The following SMU1 variants were observed in gnomAD, a reference collection of about 807,000 sequenced individuals.
SMU1 encodes SMU1 DNA replication regulator and spliceosomal factor.
Under a neutral mutation model 62.0 loss-of-function variants are expected in SMU1, and 2 were observed. The ratio of observed to expected loss-of-function variants is 0.03; its 90% CI spans 0.01 to 0.10. SMU1 has a LOEUF of 0.10. Ranked by LOEUF, SMU1 falls within the 10% of genes least tolerant of loss-of-function variation. The pLI is 1.00. For synonymous variants in SMU1, 188 were observed against 212.4 expected (o/e 0.89, Z 1.00); for missense variants, 227 against 622.1 (o/e 0.36, Z 6.76).
intron 6 of SMU1, among the ~76,000 whole-genome samples, chr9:33,058,957 C>G (rs1018664050): frequency 6.6e-6 from 1 of 151,772 alleles, no homozygotes; most frequent in Non-Finnish European, 1.5e-5. Context: ...GAAAAATGGG[C>G]AAAAGATATT....
At chr9:33,057,463 A>C (rs1310871557) in intron 7 of SMU1, 135 bp downstream of exon 7, 1 of 1,107,796 alleles carries the variant, frequency 9.0e-7, no homozygotes, top group Non-Finnish European at 1.3e-6. Context: ...CATAAGAAAA[A>C]GTAAAGTGAT....
At chr9:33,068,142 G>A (rs1353946216) in intron 4 of SMU1, among the ~76,000 whole-genome samples, 1 of 152,130 alleles carries the variant, frequency 6.6e-6, no homozygotes, top group Non-Finnish European at 1.5e-5. Flanking sequence ...TAAGTAATTT[G>A]CCAAGACTAT....
rs972156102 is a variant in SMU1, at chr9:33,047,165, A to C, written c.*128T>G. 1.7e-6 allele frequency: 1 copy of C among 603,098 alleles called. No individual in the cohort carries two copies. The allele number at this position is 603,098 out of a possible 1,614,324, so 37.4% of individuals were successfully genotyped here. A position where few individuals can be genotyped will look rare whatever the true frequency, so the allele number is the denominator to read the frequency against. On this transcript the variant is annotated 3_prime_UTR_variant, in exon 12 of 12. Coordinates refer to ENST00000397149, the MANE Select transcript of SMU1 (RefSeq NM_018225.3). ...CTACTTAAACATGAATTTTCACAAA[A>C]TTATTCTGTGACTAATTCAGACAAT...
Position 33,068,937 on chromosome 9 carries a change from G to A in SMU1, c.391-3C>T, listed in dbSNP as rs1839456216. On this transcript the variant is annotated splice_polypyrimidine_tract_variant and splice_region_variant and intron_variant, in intron 3 of 11. Transcript: ENST00000397149. ...TTGCTACTTCCATCTGGGTATGCCTGAAAAAGGAGAGGGTGTAGCATCATT... is the reference window on the plus strand; with the variant it reads ...TTGCTACTTCCATCTGGGTATGCCTAAAAAAGGAGAGGGTGTAGCATCATT... The A allele has an allele frequency of 6.2e-7, 1 of 1,613,096 alleles. No individual in the cohort carries two copies. Among genetic ancestry groups the A allele is most frequent in the Admixed American group, 1.7e-5 (1 of 59,714 alleles).
chr9:33,064,646 T>C (rs752028453), intron 4 of SMU1, among the ~76,000 whole-genome samples: 5 of 152,186 alleles, frequency 3.3e-5, no homozygotes, highest in Non-Finnish European at 7.3e-5. Context: ...ACCAAAATGA[T>C]GCAAATTATA....
chr9:33,059,885 T>A (rs990874195), intron 6 of SMU1, among the ~76,000 whole-genome samples: 1 of 151,778 alleles, frequency 6.6e-6, no homozygotes, highest in Non-Finnish European at 1.5e-5. Flanking sequence ...GTGCTGGGAT[T>A]ACAGGCCTGA....
intron 5 of SMU1, 127 bp from the exon 6 acceptor site, chr9:33,060,711 G>A (rs1238383141): frequency 1.7e-6 from 2 of 1,189,368 alleles, no homozygotes; most frequent in African/African-American, 1.6e-5. Context: ...ATAGAGTATT[G>A]GAGGGGTATT....
At chr9:33,057,374 A>G (rs1021161418) in intron 7 of SMU1, among the ~76,000 whole-genome samples, 2 of 152,240 alleles carry the variant, frequency 1.3e-5, no homozygotes, top group African/African-American at 2.4e-5. Flanking sequence ...GATATGAACT[A>G]AAGTCCCAGA....
rs767354946 is a variant in SMU1 at position 33,048,193 on chromosome 9, G to A, written c.1356C>T (p.Pro452=). 3.1e-6 allele frequency: 5 copies of A among 1,614,118 alleles called. No homozygotes were observed. Among genetic ancestry groups the A allele is most frequent in the Non-Finnish European group, 1.7e-6 (2 of 1,180,026 alleles). ...CTACACAGTAGATCCATTCACCACG[G>A]GGAGAGAGGGCACAGCAAACAAAGT... The part of the protein sequence containing the change: ...GGDFVCCALS[P]RGEWIYCVGE... The change falls in exon 11 of 12, where the codon CCC becomes CCT. Residue 452 remains proline, a synonymous_variant. Transcript: ENST00000397149.
At position 33,073,647 on chromosome 9, in the gene SMU1, A is replaced by G. The variant is rs910699440; in HGVS notation, c.186T>C (p.Ala62=). The change falls in exon 2 of 12, where the codon GCT becomes GCC. Residue 62 remains alanine (A), a synonymous_variant. Transcript: ENST00000397149. ...NSGHWDTVLQ[A]IQSLKLPDKT... is the part of the protein sequence containing the mutation. ...TGTCTGGCAATTTCAGAGACTGTAT[A>G]GCCTGCAACACAGTATCCCAATGGC... is the stretch of plus-strand genomic sequence containing the variant. The G allele has an allele frequency of 2.7e-5, 44 of 1,612,946 alleles. No individual in the cohort carries two copies. The highest frequency in any genetic ancestry group is 1.6e-4 in the East Asian group (7 of 44,904).
At chr9:33,061,186 A>C (rs1839357770) in intron 5 of SMU1, among the ~76,000 whole-genome samples, 1 of 152,230 alleles carries the variant, frequency 6.6e-6, no homozygotes, top group Non-Finnish European at 1.5e-5. Context: ...GATGAAAACT[A>C]CAGAAAATTA....
Position 33,047,232 on chromosome 9 carries a change from T to C in SMU1, c.*61A>G. The C allele has an allele frequency of 9.5e-7, 1 of 1,050,774 alleles. No individual in the cohort carries two copies. Among genetic ancestry groups the C allele is most frequent in the Non-Finnish European group, 1.4e-6 (1 of 720,626 alleles). 65.1% of individuals were successfully genotyped at this position (1,050,774 alleles called of 1,614,324 possible). A position where few individuals can be genotyped will look rare whatever the true frequency, so the allele number is the denominator to read the frequency against. ...GCTGGCAAAAAAAAAAAAAAGCACA[T>C]TACATGAATATGCTTCATTTAAGTA... On this transcript the variant is annotated 3_prime_UTR_variant, in exon 12 of 12. Coordinates refer to ENST00000397149, the MANE Select transcript of SMU1 (RefSeq NM_018225.3).
chr9:33,076,614 T>A lies in SMU1; in HGVS notation c.-6A>T, dbSNP rs778033139. The A allele has an allele frequency of 6.2e-7, 1 of 1,613,890 alleles. No individual in the cohort carries two copies. The highest frequency in any genetic ancestry group is 8.5e-7 in the Non-Finnish European group (1 of 1,180,020). On this transcript the variant is annotated 5_prime_UTR_variant, in exon 1 of 12. Coordinates refer to ENST00000397149, the MANE Select transcript of SMU1 (RefSeq NM_018225.3). ...GATTCGATTTCGATCGACATAGCCG[T>A]ATCTCTCCGGGAGCAGGCCCCAGCT...
chr9:33,054,285 G>A (rs3177671), intron 9 of SMU1, among the ~76,000 whole-genome samples: 1 of 151,852 alleles, frequency 6.6e-6, no homozygotes. Flanking sequence ...TTCTGAGTAC[G>A]GGACTACAGG....
intron 10 of SMU1, among the ~76,000 whole-genome samples, chr9:33,049,027 T>TA: frequency 6.6e-6 from 1 of 152,326 alleles, no homozygotes; most frequent in Non-Finnish European, 1.5e-5. Context: ...CTCAATATGG[T>TA]AAAGATGTCA....
rs1462904326 is a variant in SMU1, at chr9:33,046,479, G to C, written c.*814C>G. 6.6e-6 allele frequency: 1 copy of C among 151,162 alleles called. No homozygotes were observed. Among genetic ancestry groups the C allele is most frequent in the Non-Finnish European group, 1.5e-5 (1 of 67,942 alleles). The allele number at this position is 151,162 out of a possible 1,614,324, so 9.4% of individuals were successfully genotyped here. A position where few individuals can be genotyped will look rare whatever the true frequency, so the allele number is the denominator to read the frequency against. ...GTACTTGAGATTCAGGGATAATAAT[G>C]TGACTCCTCCTCCCACATTCTAAGT... is the stretch of plus-strand genomic sequence containing the variant. On this transcript the variant is annotated 3_prime_UTR_variant, in exon 12 of 12. Coordinates refer to ENST00000397149, the MANE Select transcript of SMU1 (RefSeq NM_018225.3).
At chr9:33,062,784 A>G (rs1398856708) in intron 4 of SMU1, among the ~76,000 whole-genome samples, 1 of 152,196 alleles carries the variant, frequency 6.6e-6, no homozygotes, top group Non-Finnish European at 1.5e-5. Context: ...AGCTTTTTCT[A>G]TTTTGGGGAT....
At chr9:33,061,951 C>T (rs1839366493) in intron 5 of SMU1, 98 bp downstream of exon 5, 1 of 1,289,260 alleles carries the variant, frequency 7.8e-7, no homozygotes, top group Non-Finnish European at 1.1e-6. Context: ...ATGAGTTCTC[C>T]CCCTCAATTA....
In SMU1 at chr9:33,042,659, T is replaced by G. The variant is rs1463782988; in HGVS notation, c.*4634A>C. 1 of 152,200 alleles carries G rather than the reference T, an allele frequency of 6.6e-6. No homozygotes were observed. The highest frequency in any genetic ancestry group is 2.4e-5 in the African/African-American group (1 of 41,446). The allele number at this position is 152,200 out of a possible 1,614,324, so 9.4% of individuals were successfully genotyped here. ...CTCATCAGGTCCCACCCTCCAGGGA[T>G]TCTGTATAACTCGGCTGGGTGTAGC... On this transcript the variant is annotated 3_prime_UTR_variant, in exon 12 of 12. Transcript: ENST00000397149.
Sources: gnomAD v4.1 joint callset for allele counts (sites outside exome capture counted in the v4.1 genomes callset) on GRCh38, gnomAD v4.1.1 for gene constraint, MANE v1.5 for transcripts, NCBI Gene and HGNC (gene_info 2026-07-23, HGNC 2026-07-21) for gene names.